C9orf57: variants seen among roughly 807,000 people sequenced by gnomAD.
C9orf57 encodes the protein uncharacterized protein C9orf57.
A neutral mutation model predicts 12.9 loss-of-function variants in C9orf57; 12 were observed. That is an observed-to-expected ratio of 0.93 (90% CI 0.60 to 1.51). The LOEUF (loss-of-function observed/expected upper bound fraction) is 1.51. Ranked by LOEUF, C9orf57 falls within the 40% of genes most tolerant of loss-of-function variation. C9orf57 has a pLI of 0.00. For missense variants in C9orf57, 141 were observed against 162.8 expected, an observed-to-expected ratio of 0.87 and a Z score of 0.73; for synonymous variants, 49 against 57.1, an observed-to-expected ratio of 0.86 and a Z score of 0.64.
chr9:72,056,891 A>G lies in C9orf57; in HGVS notation c.98-48T>C, dbSNP rs779015116. 7.0e-6 allele frequency: 10 copies of G among 1,429,308 alleles called. No individual in the cohort carries two copies. In the South Asian group the frequency reaches 8.6e-5, roughly 12 times the overall value. 88.5% of individuals were successfully genotyped at this position (1,429,308 alleles called of 1,614,324 possible). A position where few individuals can be genotyped will look rare whatever the true frequency, so the allele number is the denominator to read the frequency against. On this transcript the variant is annotated intron_variant, in intron 2 of 4. Transcript: ENST00000651200. ...GATTGAAAGATTGCATGCTCTGCAA[A>G]TGTATACATATATATGTATACTTTT...
Position 72,056,087 on chromosome 9 carries a change from C to T in C9orf57, c.267G>A (p.Glu89=), listed in dbSNP as rs1450170441. ...GTCAAAACTTACCTTGAATGTGGAC[C>T]TCTTCTTTACAGTACTGACCAGGTT... is the stretch of plus-strand genomic sequence containing the variant. ...QAEPGQYCKE[E]VHIQGGIQWY... Residue 89 remains glutamate (E), a synonymous_variant, in exon 4 of 5, where the codon GAG becomes GAA. Coordinates refer to ENST00000651200, the MANE Select transcript of C9orf57 (RefSeq NM_001128618.2). The T allele has an allele frequency of 2.6e-6, 4 of 1,546,666 alleles. No individual in the cohort carries two copies. Among genetic ancestry groups the T allele is most frequent in the African/African-American group, 2.7e-5 (2 of 72,888 alleles).
intron 2 of C9orf57, 28 bp downstream of exon 2, chr9:72,059,207 T>C: frequency 6.4e-7 from 1 of 1,551,064 alleles, no homozygotes; most frequent in Non-Finnish European, 8.7e-7. Flanking sequence ...TTTCTATCCT[T>C]TTAACTTATG....
intron 4 of C9orf57, 116 bp downstream of exon 4, chr9:72,055,958 G>T: frequency 2.8e-6 from 3 of 1,059,386 alleles, no homozygotes; most frequent in Non-Finnish European, 3.8e-6. Flanking sequence ...TGTTTTGTTG[G>T]TGTAATGTAG....
At chr9:72,055,758 C>T (rs939040889) in intron 4 of C9orf57, among the ~76,000 whole-genome samples, 9 of 152,010 alleles carry the variant, frequency 5.9e-5, no homozygotes, top group African/African-American at 1.4e-4. Context: ...TTTGTGAGTA[C>T]GTGAGTGGTG....
Position 72,052,022 on chromosome 9 carries a change from T to A in C9orf57, c.*274A>T, listed in dbSNP as rs1824090878. 2.9e-6 allele frequency: 1 copy of A among 345,014 alleles called. No individual in the cohort carries two copies. Among genetic ancestry groups the A allele is most frequent in the African/African-American group, 2.1e-5 (1 of 47,214 alleles). 21.4% of individuals were successfully genotyped at this position (345,014 alleles called of 1,614,324 possible). On this transcript the variant is annotated 3_prime_UTR_variant, in exon 5 of 5. Transcript: ENST00000651200. ...TTGGAGAATCACTAACATTTTTCCTTCTTTGTAGCCTTGTGGTAGGAAGGT... is the reference window on the plus strand; with the variant it reads ...TTGGAGAATCACTAACATTTTTCCTACTTTGTAGCCTTGTGGTAGGAAGGT...
Position 72,052,268 on chromosome 9 carries a change from C to T in C9orf57, c.*28G>A. 1.3e-6 allele frequency: 2 copies of T among 1,549,910 alleles called. No individual in the cohort carries two copies. Among genetic ancestry groups the T allele is most frequent in the Non-Finnish European group, 1.7e-6 (2 of 1,146,322 alleles). On this transcript the variant is annotated 3_prime_UTR_variant, in exon 5 of 5. Transcript: ENST00000651200. Reference sequence around the variant, plus strand: ...TCAGGCTTCGAGACTGATTGATCTGCCAAGCATTTTAGATATGGGCCACTG... The same window carrying T: ...TCAGGCTTCGAGACTGATTGATCTGTCAAGCATTTTAGATATGGGCCACTG...
At chr9:72,053,802 G>C (rs1334623666) in intron 4 of C9orf57, among the ~76,000 whole-genome samples, 1 of 152,016 alleles carries the variant, frequency 6.6e-6, no homozygotes, top group East Asian at 1.9e-4. Context: ...TTAGAGTTTT[G>C]TTTTGTGGAT....
At chr9:72,060,354 T>C in intron 1 of C9orf57, 143 bp downstream of exon 1, 1 of 603,980 alleles carries the variant, frequency 1.7e-6, no homozygotes, top group Non-Finnish European at 3.0e-6. Flanking sequence ...CTATGAATTA[T>C]TAATAATACT....
intron 1 of C9orf57, among the ~76,000 whole-genome samples, chr9:72,059,684 G>A (rs370925299): frequency 4.6e-5 from 7 of 152,242 alleles, no homozygotes; most frequent in African/African-American, 1.7e-4. Context: ...AGCCAGGTGT[G>A]GTTGTGGGTG....
At chr9:72,054,914 A>ATTTTTTTTT (rs71353558) in intron 4 of C9orf57, among the ~76,000 whole-genome samples, 2 of 96,518 alleles carry the variant, frequency 2.1e-5, no homozygotes, top group Non-Finnish European at 1.9e-5. Flanking sequence ...GGGGTTTGGG[A>ATTTTTTTTT]TTTTTTTTTT....
chr9:72,056,171 T>C lies in C9orf57; in HGVS notation c.183A>G (p.Ala61=), dbSNP rs1431350144. ...IQDVGGLICR[A]CNLSLPFHGC... ...CATGGAAGGGCAGTGAAAGATTGCA[T>C]GCTCTGCAAATCAAACCTCCAACAT... The change falls in exon 4 of 5, where the codon GCA becomes GCG. Residue 61 remains alanine (A), a synonymous_variant. Coordinates refer to ENST00000651200, the MANE Select transcript of C9orf57 (RefSeq NM_001128618.2). 1.3e-5 allele frequency: 20 copies of C among 1,550,726 alleles called. No individual in the cohort carries two copies. Among genetic ancestry groups the C allele is most frequent in the Non-Finnish European group, 1.5e-5 (17 of 1,146,472 alleles).
At position 72,057,777 on chromosome 9, in the gene C9orf57, A is replaced by G. The variant is rs117282571; in HGVS notation, c.98-934T>C. On this transcript the variant is annotated intron_variant, in intron 2 of 4. Coordinates refer to ENST00000651200, the MANE Select transcript of C9orf57 (RefSeq NM_001128618.2). ...TTCAGTGCCTAAGGTAGCATATTAT[A>G]TATAGTCGATTCTTCATGAATATTT... Among the ~76,000 whole-genome samples the G allele has an allele frequency of 3.7e-3, 556 of 152,290 alleles. 3 individuals are homozygous for G. The highest frequency in any genetic ancestry group is 6.2e-3 in the Non-Finnish European group (424 of 68,038).
intron 4 of C9orf57, 49 bp downstream of exon 4, chr9:72,056,024 AT>A (rs1236156828): frequency 3.3e-6 from 5 of 1,514,006 alleles, no homozygotes; most frequent in Non-Finnish European, 3.6e-6. Flanking sequence ...TGTGATAAGC[AT>A]TTTCCCTGTG....
chr9:72,056,683 G>A (rs1256154359), intron 3 of C9orf57, 101 bp downstream of exon 3: 2 of 1,230,310 alleles, frequency 1.6e-6, no homozygotes, highest in Non-Finnish European at 2.2e-6. Context: ...ATGTAGCCCT[G>A]GCAAAGCCCT....
chr9:72,053,997 T>C (rs1824135061), intron 4 of C9orf57, among the ~76,000 whole-genome samples: 1 of 152,174 alleles, frequency 6.6e-6, no homozygotes. Context: ...GTTTAGGTCA[T>C]TTCTTTTTGT....
At chr9:72,058,397 G>C (rs1824252681) in intron 2 of C9orf57, among the ~76,000 whole-genome samples, 1 of 152,126 alleles carries the variant, frequency 6.6e-6, no homozygotes, top group African/African-American at 2.4e-5. Context: ...CTGAGCTCAG[G>C]CAATCTACCT....
At chr9:72,054,979 G>C (rs1824160671) in intron 4 of C9orf57, among the ~76,000 whole-genome samples, 1 of 142,538 alleles carries the variant, frequency 7.0e-6, no homozygotes, top group Non-Finnish European at 1.5e-5. Flanking sequence ...CAGTGCAGTG[G>C]TTCAATCTCG....
chr9:72,056,831 C>G lies in C9orf57; in HGVS notation c.110G>C (p.Cys37Ser). 2 of 1,550,918 alleles carry G rather than the reference C, an allele frequency of 1.3e-6. No homozygotes were observed. Among genetic ancestry groups the G allele is most frequent in the Non-Finnish European group, 1.7e-6 (2 of 1,146,324 alleles). Residue 37 changes from cysteine to serine, a missense_variant, in exon 3 of 5, where the codon TGC becomes TCC. Coordinates refer to ENST00000651200, the MANE Select transcript of C9orf57 (RefSeq NM_001128618.2). ...CCAGTACTGACCAGGTTTTGTCTGG[C>G]AGGTTCCCAGGTCTAAAAGACATCC... ...LFGRLGDLGT[C>S]QTKPGQYWKE... is the part of the protein sequence containing the mutation.
chr9:72,053,715 A>G (rs1170737523), intron 4 of C9orf57, among the ~76,000 whole-genome samples: 1 of 152,206 alleles, frequency 6.6e-6, no homozygotes, highest in Non-Finnish European at 1.5e-5. Flanking sequence ...ACGTGACCCC[A>G]TGATTCTCAT....
Sources: allele counts gnomAD v4.1 joint callset (sites outside exome capture counted in the v4.1 genomes callset), GRCh38; gene constraint gnomAD v4.1.1; transcripts MANE v1.5; gene names NCBI Gene and HGNC (gene_info 2026-07-23, HGNC 2026-07-21).